Variants in IER3IP1 observed in about 807,000 individuals in gnomAD.
The protein encoded by IER3IP1 is immediate early response 3-interacting protein 1.
A neutral mutation model predicts 12.2 loss-of-function variants in IER3IP1; 16 were observed. The observed-to-expected ratio is 1.31, with a 90% CI of 0.89 to 1.99. IER3IP1 has a LOEUF of 1.99. Among genes scored for constraint, IER3IP1 ranks in the 30% most tolerant of loss-of-function variants. The pLI is 0.00. For synonymous variants in IER3IP1, 42 were observed against 40.0 expected (o/e 1.05, Z -0.19); for missense variants, 95 against 95.8 (o/e 0.99, Z 0.03).
At chr18:47,166,838 ACTT>A (rs1424794043) in intron 1 of IER3IP1, among the ~76,000 whole-genome samples, 1 of 152,184 alleles carries the variant, frequency 6.6e-6, no homozygotes, top group Non-Finnish European at 1.5e-5. Flanking sequence ...AATATTTTAA[ACTT>A]CTATTTTAAA....
At position 47,157,982 on chromosome 18, in the gene IER3IP1, T is replaced by C. The variant is rs533738622; in HGVS notation, c.92-445A>G. On this transcript the variant is annotated intron_variant, in intron 1 of 2. Coordinates refer to ENST00000256433, the MANE Select transcript of IER3IP1 (RefSeq NM_016097.5). The stretch of plus-strand genomic sequence containing the variant: ...TAAAAATGCTGTAGCTGAGAATCAC[T>C]GTCTACATTACTTGGGGAAACTTTT... Among the ~76,000 whole-genome samples the C allele has an allele frequency of 2.6e-5, 4 of 152,332 alleles. No individual in the cohort carries two copies. The South Asian group carries it at 8.3e-4, about 32-fold the overall frequency.
At chr18:47,163,538 A>G (rs1256835129) in intron 1 of IER3IP1, among the ~76,000 whole-genome samples, 1 of 152,196 alleles carries the variant, frequency 6.6e-6, no homozygotes, top group East Asian at 1.9e-4. Context: ...GTGGAAAGCG[A>G]AACTGTGAAA....
At chr18:47,165,270 TG>T (rs1160138999) in intron 1 of IER3IP1, among the ~76,000 whole-genome samples, 2 of 152,160 alleles carry the variant, frequency 1.3e-5, no homozygotes, top group African/African-American at 2.4e-5. Context: ...AGATCAATGG[TG>T]GCCAGGTGTG....
At chr18:47,170,779 G>A (rs2064012854) in intron 1 of IER3IP1, among the ~76,000 whole-genome samples, 1 of 152,016 alleles carries the variant, frequency 6.6e-6, no homozygotes, top group Admixed American at 6.6e-5. Context: ...TAATAGCCTT[G>A]TAGTGGACTC....
At chr18:47,166,657 C>G (rs1313587145) in intron 1 of IER3IP1, among the ~76,000 whole-genome samples, 1 of 152,114 alleles carries the variant, frequency 6.6e-6, no homozygotes, top group African/African-American at 2.4e-5. Context: ...CACTGAAGAA[C>G]AAGCTCAGCT....
In IER3IP1 at chr18:47,152,979, T is replaced by C. The variant is rs1480733716; in HGVS notation, c.*3198A>G. On this transcript the variant is annotated 3_prime_UTR_variant, in exon 3 of 3. Coordinates refer to ENST00000256433, the MANE Select transcript of IER3IP1 (RefSeq NM_016097.5). ...GAAGGTTATTGACCAATTTTACAGA[T>C]AGGACAACCAAAAACTACTGAGGTC... 1 of 152,196 alleles carries C rather than the reference T, an allele frequency of 6.6e-6. No homozygotes were observed. The allele number at this position is 152,196 out of a possible 1,614,324, so 9.4% of individuals were successfully genotyped here.
chr18:47,163,785 G>A (rs1310867306), intron 1 of IER3IP1, among the ~76,000 whole-genome samples: 1 of 152,056 alleles, frequency 6.6e-6, no homozygotes, highest in Non-Finnish European at 1.5e-5. Context: ...TAAAAAGAAA[G>A]CCCTCTGCAA....
chr18:47,168,301 C>CAAAAAAAAAAA (rs35347851), intron 1 of IER3IP1, among the ~76,000 whole-genome samples: 29 of 107,132 alleles, frequency 2.7e-4, no homozygotes, highest in African/African-American at 6.5e-4. Context: ...GACTCCATCA[C>CAAAAAAAAAAA]AAAAAAAAAA....
At chr18:47,161,192 T>C (rs1490636943) in intron 1 of IER3IP1, among the ~76,000 whole-genome samples, 1 of 152,208 alleles carries the variant, frequency 6.6e-6, no homozygotes, top group African/African-American at 2.4e-5. Flanking sequence ...TCACTTTTAA[T>C]CAACTTTTAT....
chr18:47,171,761 T>C (rs186037801), intron 1 of IER3IP1, among the ~76,000 whole-genome samples: 50 of 152,302 alleles, frequency 3.3e-4, no homozygotes, highest in African/African-American at 1.1e-3. Context: ...AGACTATTAC[T>C]GTTCTGAGAT....
At chr18:47,158,158 C>T (rs1210216551) in intron 1 of IER3IP1, among the ~76,000 whole-genome samples, 1 of 152,116 alleles carries the variant, frequency 6.6e-6, no homozygotes, top group African/African-American at 2.4e-5. Context: ...ATCTCAAAAA[C>T]GTAATTCTAG....
At chr18:47,158,914 G>A (rs753385489) in intron 1 of IER3IP1, among the ~76,000 whole-genome samples, 63 of 152,216 alleles carry the variant, frequency 4.1e-4, no homozygotes, top group Non-Finnish European at 7.6e-4. Flanking sequence ...AGTGAGCCAT[G>A]ATCATGCTAC....
At chr18:47,160,120 G>A (rs901742233) in intron 1 of IER3IP1, among the ~76,000 whole-genome samples, 5 of 152,010 alleles carry the variant, frequency 3.3e-5, no homozygotes, top group African/African-American at 9.7e-5. Context: ...GCTTGAACCC[G>A]GGAGGTGGAG....
At chr18:47,173,315 C>T (rs1350737209) in intron 1 of IER3IP1, among the ~76,000 whole-genome samples, 1 of 152,176 alleles carries the variant, frequency 6.6e-6, no homozygotes, top group Admixed American at 6.5e-5. Context: ...ACTCTTATTC[C>T]CAAAGTCCAA....
intron 1 of IER3IP1, among the ~76,000 whole-genome samples, chr18:47,170,007 A>G (rs1337073219): frequency 1.3e-5 from 2 of 152,160 alleles, no homozygotes; most frequent in Non-Finnish European, 2.9e-5. Context: ...TTACCCAACC[A>G]AAACTCACAG....
intron 1 of IER3IP1, among the ~76,000 whole-genome samples, chr18:47,173,938 T>A (rs967580082): frequency 1.3e-5 from 2 of 152,124 alleles, no homozygotes; most frequent in African/African-American, 4.8e-5. Context: ...TGTCTCCAAA[T>A]CTCTCTTTTC....
chr18:47,168,139 A>T (rs924488411), intron 1 of IER3IP1, among the ~76,000 whole-genome samples: 3 of 140,944 alleles, frequency 2.1e-5, no homozygotes, highest in African/African-American at 8.1e-5. Flanking sequence ...AAAAAAAAAA[A>T]AAAAAAAAAA....
chr18:47,165,338 A>G (rs572383811), intron 1 of IER3IP1, among the ~76,000 whole-genome samples: 43 of 152,312 alleles, frequency 2.8e-4, no homozygotes, highest in African/African-American at 9.9e-4. Flanking sequence ...AGATCACTTG[A>G]GGCCAGAAGT....
intron 1 of IER3IP1, among the ~76,000 whole-genome samples, chr18:47,175,282 T>C (rs1437985592): frequency 6.6e-6 from 1 of 152,190 alleles, no homozygotes; most frequent in Non-Finnish European, 1.5e-5. Context: ...ATGCACCCAA[T>C]AAGCTATCTG....
Sources: gnomAD v4.1 joint callset for allele counts (sites outside exome capture counted in the v4.1 genomes callset) on GRCh38, gnomAD v4.1.1 for gene constraint, MANE v1.5 for transcripts, NCBI Gene and HGNC (gene_info 2026-07-23, HGNC 2026-07-21) for gene names.